The following SPON1 variants were observed in gnomAD, a reference collection of about 807,000 sequenced individuals.
The protein encoded by SPON1 is spondin-1.
A neutral mutation model predicts 111.7 loss-of-function variants in SPON1; 52 were observed. The ratio of observed to expected loss-of-function variants is 0.47; its 90% CI spans 0.37 to 0.59. SPON1 has a LOEUF of 0.59. Ranked by LOEUF, SPON1 falls within the 20% of genes least tolerant of loss-of-function variation. The pLI is 0.00. For synonymous variants in SPON1, 410 were observed against 395.8 expected, an observed-to-expected ratio of 1.04 and a Z score of -0.43; for missense variants, 957 against 1,068.5, an observed-to-expected ratio of 0.90 and a Z score of 1.46.
chr11:14,011,962 T>C (rs1441139527), intron 2 of SPON1, among the ~76,000 whole-genome samples: 1 of 152,096 alleles, frequency 6.6e-6, no homozygotes, highest in Non-Finnish European at 1.5e-5. Context: ...ATGGCAGTAA[T>C]AGTAGCCTCC....
At chr11:14,143,689 T>G (rs1847684810) in intron 6 of SPON1, among the ~76,000 whole-genome samples, 1 of 126,404 alleles carries the variant, frequency 7.9e-6, no homozygotes, top group Admixed American at 8.0e-5. Context: ...CAGGGCAGGA[T>G]TTCAGTCCTG....
At chr11:14,247,178 C>A (rs1386229531) in intron 7 of SPON1, among the ~76,000 whole-genome samples, 3 of 152,150 alleles carry the variant, frequency 2.0e-5, no homozygotes, top group African/African-American at 7.2e-5. Context: ...GAGGTGGAAG[C>A]AGGAGGCTCA....
intron 1 of SPON1, among the ~76,000 whole-genome samples, chr11:13,976,069 G>A (rs781902737): frequency 2.5e-4 from 38 of 152,078 alleles, no homozygotes; most frequent in Admixed American, 3.9e-4. Context: ...TAAGAAAGGC[G>A]ATATCATCAA....
intron 3 of SPON1, among the ~76,000 whole-genome samples, chr11:14,068,103 C>A (rs1327084365): frequency 6.6e-6 from 1 of 151,822 alleles, no homozygotes; most frequent in African/African-American, 2.4e-5. Flanking sequence ...CTTTTTATAT[C>A]TCTTATATGA....
intron 2 of SPON1, among the ~76,000 whole-genome samples, chr11:14,015,995 C>T (rs546757035): frequency 2.6e-5 from 4 of 152,262 alleles, no homozygotes; most frequent in Admixed American, 6.5e-5. Flanking sequence ...TGCAGATGGC[C>T]GCAGAGGGCA....
chr11:14,107,529 C>T (rs760288768), intron 5 of SPON1, among the ~76,000 whole-genome samples: 17 of 151,106 alleles, frequency 1.1e-4, no homozygotes, highest in Non-Finnish European at 2.1e-4. Context: ...CCACCCAGCT[C>T]CTGGGCTAAT....
chr11:13,979,136 G>A (rs1160408220), intron 1 of SPON1, among the ~76,000 whole-genome samples: 3 of 152,164 alleles, frequency 2.0e-5, no homozygotes, highest in Non-Finnish European at 2.9e-5. Flanking sequence ...TCTTCTGGAG[G>A]GCTCTGAGAG....
Position 14,088,600 on chromosome 11 carries a change from TTATG to T in SPON1, c.676+8581_676+8584del, listed in dbSNP as rs554166420. 4.5e-3 allele frequency among the ~76,000 whole-genome samples: 680 copies of T among 152,136 alleles called. 7 individuals carry two copies. The highest frequency in any genetic ancestry group is 0.015 in the African/African-American group (637 of 41,520). ...ATTTCAACCTTGGTGAATCTGACAA[TTATG>T]TGTTTTGGGGTTGTTCTTCTCGGGG... On this transcript the variant is annotated intron_variant, in intron 5 of 15. Coordinates refer to ENST00000576479, the MANE Select transcript of SPON1 (RefSeq NM_006108.4).
intron 5 of SPON1, among the ~76,000 whole-genome samples, chr11:14,087,739 T>A (rs1445506287): frequency 6.6e-6 from 1 of 152,156 alleles, no homozygotes; most frequent in African/African-American, 2.4e-5. Context: ...GACAGTGGGG[T>A]GTTAAAATTT....
chr11:14,262,458 C>T lies in SPON1; in HGVS notation c.1997-254C>T, dbSNP rs1849196629. On this transcript the variant is annotated intron_variant, in intron 14 of 15. Transcript: ENST00000576479. ...GCTCTGAACACATCCTGAAAGTCCT[C>T]CAAAGCCTTCTTGAGTCATAGAGGG... 7 of 549,440 alleles carry T rather than the reference C, an allele frequency of 1.3e-5. No individual in the cohort carries two copies. The South Asian group carries it at 1.5e-4, about 11-fold the overall frequency. The allele number at this position is 549,440 out of a possible 1,614,324, so 34.0% of individuals were successfully genotyped here. A position where few individuals can be genotyped will look rare whatever the true frequency, so the allele number is the denominator to read the frequency against.
chr11:14,136,955 C>A (rs782012736), intron 6 of SPON1, among the ~76,000 whole-genome samples: 3 of 152,184 alleles, frequency 2.0e-5, no homozygotes, highest in Non-Finnish European at 2.9e-5. Flanking sequence ...TGGAGGTTCA[C>A]ATTCCCAGTT....
At chr11:14,258,116 C>T (rs1233540293) in intron 11 of SPON1, among the ~76,000 whole-genome samples, 1 of 152,232 alleles carries the variant, frequency 6.6e-6, no homozygotes, top group Admixed American at 6.5e-5. Context: ...TGACCACCCC[C>T]TCCTTCTTTT....
intron 2 of SPON1, among the ~76,000 whole-genome samples, chr11:14,003,559 A>T (rs954555501): frequency 2.6e-5 from 4 of 152,136 alleles, no homozygotes; most frequent in African/African-American, 9.7e-5. Flanking sequence ...AATAACCCAC[A>T]TTTGGCTGGG....
intron 2 of SPON1, among the ~76,000 whole-genome samples, chr11:13,995,786 G>C (rs1269817496): frequency 6.6e-6 from 1 of 152,156 alleles, no homozygotes; most frequent in Admixed American, 6.5e-5. Context: ...CTAGATATTA[G>C]GGTGGCCTCC....
chr11:14,133,569 C>A (rs1022504756), intron 5 of SPON1, among the ~76,000 whole-genome samples: 3 of 152,158 alleles, frequency 2.0e-5, no homozygotes, highest in African/African-American at 7.2e-5. Flanking sequence ...GCAGGCAGGA[C>A]ACGCCTAGAA....
chr11:14,130,295 T>C (rs1406618389), intron 5 of SPON1, among the ~76,000 whole-genome samples: 1 of 152,054 alleles, frequency 6.6e-6, no homozygotes, highest in Non-Finnish European at 1.5e-5. Context: ...AACAAAGAAA[T>C]TAGATGAAAA....
At chr11:14,149,077 A>G (rs1847757955) in intron 6 of SPON1, among the ~76,000 whole-genome samples, 1 of 151,922 alleles carries the variant, frequency 6.6e-6, no homozygotes, top group African/African-American at 2.4e-5. Flanking sequence ...ACTCCTACTT[A>G]TTTTTTTTAA....
intron 5 of SPON1, among the ~76,000 whole-genome samples, chr11:14,114,361 G>A (rs570020194): frequency 6.6e-6 from 1 of 152,256 alleles, no homozygotes; most frequent in Admixed American, 6.5e-5. Context: ...AAAGCAGAAG[G>A]GACTTTCCCA....
chr11:14,056,596 A>G (rs1299302187), intron 3 of SPON1, among the ~76,000 whole-genome samples: 2 of 152,200 alleles, frequency 1.3e-5, no homozygotes, highest in African/African-American at 4.8e-5. Context: ...GAAAATCAAC[A>G]TTAAAATATA....
Sources: allele counts gnomAD v4.1 joint callset (sites outside exome capture counted in the v4.1 genomes callset), GRCh38; gene constraint gnomAD v4.1.1; transcripts MANE v1.5; gene names NCBI Gene and HGNC (gene_info 2026-07-23, HGNC 2026-07-21).